Variants in CACNA2D3 observed in about 807,000 individuals in gnomAD.
The protein encoded by CACNA2D3 is voltage-dependent calcium channel subunit alpha-2/delta-3.
CACNA2D3 carries 60 observed loss-of-function variants against 160.6 expected under a neutral mutation model. That is an observed-to-expected ratio of 0.37 (90% confidence interval 0.30 to 0.46). The LOEUF is 0.46. CACNA2D3 is among the 20% of genes least tolerant of loss of function. The pLI is 1.00. For synonymous variants in CACNA2D3, 558 were observed against 492.9 expected, an observed-to-expected ratio of 1.13 and a Z score of -1.75; for missense variants, 1,205 against 1,365.0, an observed-to-expected ratio of 0.88 and a Z score of 1.85.
intron 5 of CACNA2D3, among the ~76,000 whole-genome samples, chr3:54,534,341 T>G (rs899710521): frequency 1.1e-4 from 15 of 133,638 alleles, no homozygotes; most frequent in African/African-American, 4.3e-4. Flanking sequence ...AAAACATGCA[T>G]CAGATTGCAT....
chr3:54,758,762 T>C (rs1678660756), intron 12 of CACNA2D3, among the ~76,000 whole-genome samples: 1 of 152,160 alleles, frequency 6.6e-6, no homozygotes, highest in Non-Finnish European at 1.5e-5. Flanking sequence ...ATTTTGGTGC[T>C]GGCTCTCAGG....
intron 13 of CACNA2D3, among the ~76,000 whole-genome samples, chr3:54,801,433 A>C (rs1204343170): frequency 6.6e-6 from 1 of 152,142 alleles, no homozygotes; most frequent in Non-Finnish European, 1.5e-5. Flanking sequence ...TTAACCAGTA[A>C]TTCACCTTCT....
At chr3:54,488,482 C>A (rs1393474577) in intron 4 of CACNA2D3, among the ~76,000 whole-genome samples, 1 of 152,022 alleles carries the variant, frequency 6.6e-6, no homozygotes. Flanking sequence ...TGAACAGTGG[C>A]CCGACTAGCC....
chr3:54,694,867 T>C (rs894853585), intron 11 of CACNA2D3, among the ~76,000 whole-genome samples: 2 of 152,240 alleles, frequency 1.3e-5, no homozygotes. Context: ...TTCCAGTGAA[T>C]GCATCTCATA....
chr3:54,769,751 G>A (rs1179011928), intron 13 of CACNA2D3, among the ~76,000 whole-genome samples: 1 of 152,158 alleles, frequency 6.6e-6, no homozygotes, highest in African/African-American at 2.4e-5. Flanking sequence ...TTTGAGCTGG[G>A]TCTCACATAG....
chr3:54,800,328 G>A (rs1364269667), intron 13 of CACNA2D3, among the ~76,000 whole-genome samples: 1 of 152,108 alleles, frequency 6.6e-6, no homozygotes, highest in Non-Finnish European at 1.5e-5. Flanking sequence ...GTTTTATCTG[G>A]ACTTTGCCAA....
At chr3:54,515,910 C>T (rs1327558919) in intron 5 of CACNA2D3, among the ~76,000 whole-genome samples, 3 of 152,200 alleles carry the variant, frequency 2.0e-5, no homozygotes, top group African/African-American at 4.8e-5. Context: ...AGAGAACTTT[C>T]AAGAGGACTT....
At chr3:54,133,802 C>A (rs1699764302) in intron 2 of CACNA2D3, among the ~76,000 whole-genome samples, 1 of 152,078 alleles carries the variant, frequency 6.6e-6, no homozygotes, top group Non-Finnish European at 1.5e-5. Context: ...TTGTGTATTC[C>A]CCATTAAGGT....
At chr3:54,191,047 C>CA (rs35592309) in intron 2 of CACNA2D3, among the ~76,000 whole-genome samples, 9,209 of 103,440 alleles carry the variant, frequency 0.089, 340 homozygotes, top group South Asian at 0.18. Flanking sequence ...TAGGTGGAAG[C>CA]AAAAAAAAAA....
chr3:55,030,053 T>A (rs1703655860), intron 35 of CACNA2D3, among the ~76,000 whole-genome samples: 1 of 152,126 alleles, frequency 6.6e-6, no homozygotes, highest in Non-Finnish European at 1.5e-5. Flanking sequence ...GATTGAAGGC[T>A]CTTCATCTTA....
chr3:54,187,811 G>T (rs374331664), intron 2 of CACNA2D3, among the ~76,000 whole-genome samples: 1 of 152,128 alleles, frequency 6.6e-6, no homozygotes, highest in African/African-American at 2.4e-5. Context: ...GCTGCTATGA[G>T]AATCTAATGC....
intron 5 of CACNA2D3, among the ~76,000 whole-genome samples, chr3:54,528,285 A>C (rs1384282276): frequency 7.0e-6 from 1 of 142,974 alleles, no homozygotes; most frequent in Non-Finnish European, 1.5e-5. Flanking sequence ...AAAAATGGGC[A>C]TGAGAATAGT....
intron 11 of CACNA2D3, among the ~76,000 whole-genome samples, chr3:54,729,721 T>C (rs914527005): frequency 1.3e-5 from 2 of 152,176 alleles, no homozygotes; most frequent in Admixed American, 6.5e-5. Flanking sequence ...GTTTATGGGC[T>C]GGGCATGGTG....
At chr3:55,059,449 C>T (rs1156755853) in intron 35 of CACNA2D3, among the ~76,000 whole-genome samples, 2 of 152,148 alleles carry the variant, frequency 1.3e-5, no homozygotes, top group African/African-American at 2.4e-5. Context: ...AGGGGTGTGG[C>T]TTGTCTGTTC....
At chr3:54,321,941 A>C (rs1255261444) in intron 3 of CACNA2D3, among the ~76,000 whole-genome samples, 2 of 151,938 alleles carry the variant, frequency 1.3e-5, no homozygotes, top group Non-Finnish European at 2.9e-5. Context: ...AAAAAAAAAA[A>C]ACTAGTAACA....
intron 23 of CACNA2D3, among the ~76,000 whole-genome samples, chr3:54,886,476 C>T (rs945088345): frequency 3.9e-5 from 6 of 152,134 alleles, no homozygotes; most frequent in African/African-American, 1.4e-4. Flanking sequence ...CACCATCCAG[C>T]TTTATGCAGT....
intron 2 of CACNA2D3, among the ~76,000 whole-genome samples, chr3:54,287,334 A>G (rs964807909): frequency 1.3e-5 from 2 of 152,206 alleles, no homozygotes; most frequent in African/African-American, 4.8e-5. Flanking sequence ...AAAGAAGGCC[A>G]TTACCTAATG....
intron 11 of CACNA2D3, among the ~76,000 whole-genome samples, chr3:54,705,581 C>T (rs1247345580): frequency 2.0e-5 from 3 of 152,126 alleles, no homozygotes; most frequent in Admixed American, 6.6e-5. Context: ...CATTGACAGA[C>T]TTTCTTCTTA....
chr3:54,512,277 A>G (rs1175763672), intron 5 of CACNA2D3, among the ~76,000 whole-genome samples: 8 of 152,310 alleles, frequency 5.3e-5, no homozygotes, highest in Non-Finnish European at 8.8e-5. Context: ...TACTCCCACA[A>G]AAGGCTCAGA....
Sources: allele counts gnomAD v4.1 joint callset (sites outside exome capture counted in the v4.1 genomes callset), GRCh38; gene constraint gnomAD v4.1.1; transcripts MANE v1.5; gene names NCBI Gene and HGNC (gene_info 2026-07-23, HGNC 2026-07-21).